NPAS3: variants seen among roughly 807,000 people sequenced by gnomAD.
The protein encoded by NPAS3 is neuronal PAS domain protein 3.
NPAS3 carries 14 observed loss-of-function variants against 73.1 expected under a neutral mutation model. The ratio of observed to expected loss-of-function variants is 0.19; its 90% CI spans 0.13 to 0.30. NPAS3 has a LOEUF of 0.30. Among genes scored for constraint, NPAS3 ranks in the 10% least tolerant of loss-of-function variants. NPAS3 has a pLI of 1.00. For missense variants in NPAS3, 1,096 were observed against 1,250.0 expected, an observed-to-expected ratio of 0.88 and a Z score of 1.86; for synonymous variants, 620 against 541.5, an observed-to-expected ratio of 1.14 and a Z score of -2.01.
At chr14:33,709,580 G>A (rs541626636) in intron 6 of NPAS3, among the ~76,000 whole-genome samples, 2 of 152,160 alleles carry the variant, frequency 1.3e-5, no homozygotes, top group African/African-American at 2.4e-5. Context: ...CATTTGCTAA[G>A]TTCTTTCCAG....
intron 1 of NPAS3, among the ~76,000 whole-genome samples, chr14:32,971,687 A>G (rs1310101753): frequency 6.6e-6 from 1 of 152,098 alleles, no homozygotes; most frequent in Non-Finnish European, 1.5e-5. Context: ...CTACCTCCTC[A>G]GTTGAGGACT....
At chr14:33,102,487 A>G (rs1234995218) in intron 2 of NPAS3, among the ~76,000 whole-genome samples, 1 of 152,168 alleles carries the variant, frequency 6.6e-6, no homozygotes, top group African/African-American at 2.4e-5. Flanking sequence ...TAACTCATTC[A>G]TATAGAGCTG....
At chr14:33,066,255 T>C (rs34532009) in intron 2 of NPAS3, among the ~76,000 whole-genome samples, 6,523 of 152,160 alleles carry the variant, frequency 0.043, 172 homozygotes, top group African/African-American at 0.07. Flanking sequence ...ACCACCCTTT[T>C]AAAAGGAGAG....
intron 2 of NPAS3, among the ~76,000 whole-genome samples, chr14:33,204,241 C>T (rs1409174801): frequency 6.6e-6 from 1 of 152,086 alleles, no homozygotes; most frequent in African/African-American, 2.4e-5. Context: ...TATCATGACC[C>T]TTCAAATTAA....
intron 2 of NPAS3, among the ~76,000 whole-genome samples, chr14:33,168,827 TC>T (rs2045274289): frequency 2.0e-5 from 3 of 152,164 alleles, no homozygotes; most frequent in Non-Finnish European, 4.4e-5. Context: ...AACCTTTAAC[TC>T]CAAGGCAGGC....
intron 4 of NPAS3, among the ~76,000 whole-genome samples, chr14:33,492,410 A>T (rs1178373115): frequency 6.6e-6 from 1 of 152,160 alleles, no homozygotes; most frequent in African/African-American, 2.4e-5. Flanking sequence ...TCTGGGCCTG[A>T]ATCTGATAAC....
chr14:33,555,598 C>T (rs1417218853), intron 4 of NPAS3, among the ~76,000 whole-genome samples: 1 of 152,120 alleles, frequency 6.6e-6, no homozygotes, highest in African/African-American at 2.4e-5. Context: ...TTCCTCCTCC[C>T]ACCTTTTTAA....
chr14:33,169,925 C>G (rs2045324148), intron 2 of NPAS3, among the ~76,000 whole-genome samples: 2 of 152,196 alleles, frequency 1.3e-5, no homozygotes, highest in South Asian at 2.1e-4. Flanking sequence ...GAAAACTTTT[C>G]TTTACATCAG....
intron 4 of NPAS3, among the ~76,000 whole-genome samples, chr14:33,456,046 G>T (rs1054020461): frequency 1.3e-5 from 2 of 152,212 alleles, no homozygotes; most frequent in Non-Finnish European, 2.9e-5. Flanking sequence ...TAGTTGTCAT[G>T]TATTGATGAT....
At chr14:33,613,466 T>C (rs1184488931) in intron 5 of NPAS3, among the ~76,000 whole-genome samples, 1 of 152,194 alleles carries the variant, frequency 6.6e-6, no homozygotes, top group African/African-American at 2.4e-5. Flanking sequence ...ATGTGTTCTC[T>C]GTGCCCTTCT....
At chr14:33,528,807 C>T (rs1016121613) in intron 4 of NPAS3, among the ~76,000 whole-genome samples, 1 of 152,112 alleles carries the variant, frequency 6.6e-6, no homozygotes, top group African/African-American at 2.4e-5. Flanking sequence ...AATATAACAA[C>T]AGCAACTGAT....
chr14:32,948,026 A>G (rs1398562832), intron 1 of NPAS3, among the ~76,000 whole-genome samples: 1 of 152,148 alleles, frequency 6.6e-6, no homozygotes, highest in East Asian at 1.9e-4. Context: ...ACAGCAAGAC[A>G]TTAGAAACGT....
chr14:32,972,779 G>A (rs917144837), intron 1 of NPAS3, among the ~76,000 whole-genome samples: 2 of 152,092 alleles, frequency 1.3e-5, no homozygotes, highest in African/African-American at 2.4e-5. Flanking sequence ...ATCAAGAACC[G>A]GGAGTTCAGG....
At chr14:32,966,165 A>G (rs1192181064) in intron 1 of NPAS3, among the ~76,000 whole-genome samples, 1 of 152,220 alleles carries the variant, frequency 6.6e-6, no homozygotes, top group African/African-American at 2.4e-5. Flanking sequence ...CTATAGAAAT[A>G]CCAATGAGAT....
chr14:33,753,058 G>A (rs748995356), intron 7 of NPAS3, among the ~76,000 whole-genome samples: 4 of 152,070 alleles, frequency 2.6e-5, no homozygotes, highest in Non-Finnish European at 4.4e-5. Context: ...ACTTTGGTAC[G>A]GCTGATTCTT....
Position 33,115,138 on chromosome 14 carries a change from A to G in NPAS3, c.140+59144A>G, listed in dbSNP as rs139629718. ...TCTTTGTTTTGAGTGCTTTAAGCAT[A>G]GTAAGGAAAAGGTTAATATCGGAAA... On this transcript the variant is annotated intron_variant, in intron 2 of 11. Transcript: ENST00000356141. 5.4e-3 allele frequency among the ~76,000 whole-genome samples: 829 copies of G among 152,280 alleles called. 29 individuals are homozygous for G. The highest frequency in any genetic ancestry group is 0.047 in the Admixed American group (717 of 15,288).
At chr14:33,529,645 G>GT (rs1160563022) in intron 4 of NPAS3, among the ~76,000 whole-genome samples, 2 of 151,602 alleles carry the variant, frequency 1.3e-5, no homozygotes, top group Non-Finnish European at 2.9e-5. Flanking sequence ...ATGTATGTAT[G>GT]TTTTTTTTCT....
chr14:33,002,999 C>T (rs2038864563), intron 1 of NPAS3, among the ~76,000 whole-genome samples: 1 of 151,660 alleles, frequency 6.6e-6, no homozygotes, highest in Non-Finnish European at 1.5e-5. Flanking sequence ...GAGAGTCTCC[C>T]TGTATAGGCA....
At chr14:33,522,293 T>C (rs2140110330) in intron 4 of NPAS3, among the ~76,000 whole-genome samples, 1 of 152,276 alleles carries the variant, frequency 6.6e-6, no homozygotes, top group East Asian at 1.9e-4. Flanking sequence ...AAATACTAGA[T>C]TGGAATCCTT....
Sources: gnomAD v4.1 joint callset for allele counts (sites outside exome capture counted in the v4.1 genomes callset) on GRCh38, gnomAD v4.1.1 for gene constraint, MANE v1.5 for transcripts, NCBI Gene and HGNC (gene_info 2026-07-23, HGNC 2026-07-21) for gene names.